ICA1: variants seen among roughly 807,000 people sequenced by gnomAD.
ICA1 encodes the protein islet cell autoantigen 1, also known as 69 kDa islet cell autoantigen.
Under a neutral mutation model 71.0 loss-of-function variants are expected in ICA1, and 40 were observed. That is an observed-to-expected ratio of 0.56 (90% CI 0.44 to 0.73). The LOEUF is 0.73. ICA1 is among the 30% of genes least tolerant of loss of function. ICA1 has a pLI of 0.00. For missense variants in ICA1, 578 were observed against 576.5 expected (o/e 1.00, Z -0.03); for synonymous variants, 207 against 209.5 (o/e 0.99, Z 0.10).
intron 8 of ICA1, among the ~76,000 whole-genome samples, chr7:8,145,331 G>A (rs2110332): frequency 0.87 from 131,936 of 152,048 alleles, 58,094 homozygotes; most frequent in East Asian, 1. Context: ...CTTTCTTTCA[G>A]TTAGGATGGT....
At chr7:8,120,833 C>T (rs550176491) in intron 13 of ICA1, among the ~76,000 whole-genome samples, 6 of 152,330 alleles carry the variant, frequency 3.9e-5, no homozygotes, top group African/African-American at 1.4e-4. Flanking sequence ...CAAAGGACAC[C>T]GCCCAGAGCT....
Position 8,173,658 on chromosome 7 carries a change from G to T in ICA1, c.580-15006C>A, listed in dbSNP as rs930419696. On this transcript the variant is annotated intron_variant, in intron 6 of 13. Coordinates refer to ENST00000402384, the MANE Select transcript of ICA1 (RefSeq NM_001136020.3). This position sits in a 1 kb window ranked among gnomAD's most constrained non-coding sequence, Gnocchi z 4.0. Reference sequence around the variant, plus strand: ...GAAGAAGGAATATAATCTGTTTCCAGTAGCAGGCCTGTCTTTCCAAGGTAC... The same window carrying T: ...GAAGAAGGAATATAATCTGTTTCCATTAGCAGGCCTGTCTTTCCAAGGTAC... 2.6e-5 allele frequency among the ~76,000 whole-genome samples: 4 copies of T among 152,190 alleles called. No homozygotes were observed. Among genetic ancestry groups the T allele is most frequent in the Non-Finnish European group, 2.9e-5 (2 of 68,026 alleles).
chr7:8,140,968 T>C (rs956946122), intron 10 of ICA1, among the ~76,000 whole-genome samples: 1 of 152,220 alleles, frequency 6.6e-6, no homozygotes, highest in Admixed American at 6.5e-5. Context: ...AAGAGATGCA[T>C]ATGTCCCCAG....
In ICA1 at chr7:8,130,495, G is replaced by C. The variant is rs148537273; in HGVS notation, c.1061-2353C>G. 1.3e-5 allele frequency among the ~76,000 whole-genome samples: 2 copies of C among 152,350 alleles called. No homozygotes were observed. The highest frequency in any genetic ancestry group is 4.8e-5 in the African/African-American group (2 of 41,586). ...CTCTATACTTCCTACTTTCAGGTAG[G>C]ACTGGAATGCCCAAACCCTTTCTTA... On this transcript the variant is annotated intron_variant, in intron 12 of 13. Coordinates refer to ENST00000402384, the MANE Select transcript of ICA1 (RefSeq NM_001136020.3). The surrounding 1 kb of genome is among the most constrained non-coding windows in gnomAD (Gnocchi z 4.2).
intron 1 of ICA1, among the ~76,000 whole-genome samples, chr7:8,242,515 C>A (rs1804339598): frequency 6.6e-6 from 1 of 152,038 alleles, no homozygotes; most frequent in Non-Finnish European, 1.5e-5. Context: ...ACTAGAGAAG[C>A]AAGAGCAAAC....
At chr7:8,200,760 G>C (rs1359174227) in intron 6 of ICA1, among the ~76,000 whole-genome samples, 1 of 152,218 alleles carries the variant, frequency 6.6e-6, no homozygotes, top group Non-Finnish European at 1.5e-5. Context: ...ATGAATATTA[G>C]TTGAGTTTTG....
intron 6 of ICA1, among the ~76,000 whole-genome samples, chr7:8,187,146 A>T (rs1199182985): frequency 6.6e-6 from 1 of 152,234 alleles, no homozygotes; most frequent in African/African-American, 2.4e-5. Flanking sequence ...TTGTTCACAC[A>T]TCATACAGTG....
chr7:8,256,083 C>G (rs1017295032), intron 1 of ICA1, among the ~76,000 whole-genome samples: 1 of 152,134 alleles, frequency 6.6e-6, no homozygotes, highest in Non-Finnish European at 1.5e-5. Flanking sequence ...CCTCTTTCAT[C>G]TTTTGCAACC....
chr7:8,254,045 T>C (rs1391620149), intron 1 of ICA1, among the ~76,000 whole-genome samples: 5 of 152,226 alleles, frequency 3.3e-5, no homozygotes, highest in African/African-American at 9.6e-5. Flanking sequence ...CAATTTGTTA[T>C]GACTCCACAG....
At chr7:8,239,658 A>G (rs920613015) in intron 1 of ICA1, among the ~76,000 whole-genome samples, 4 of 152,188 alleles carry the variant, frequency 2.6e-5, no homozygotes, top group African/African-American at 9.6e-5. Flanking sequence ...GGAAGGCATG[A>G]CAGACTGTAC....
chr7:8,128,958 G>A (rs1032681643), intron 12 of ICA1, among the ~76,000 whole-genome samples: 3 of 152,114 alleles, frequency 2.0e-5, no homozygotes, highest in South Asian at 2.1e-4. Flanking sequence ...TGTTAATAAC[G>A]GCCACCTCGG....
intron 6 of ICA1, among the ~76,000 whole-genome samples, chr7:8,161,691 C>T (rs150672000): frequency 6.6e-6 from 1 of 152,268 alleles, no homozygotes; most frequent in East Asian, 1.9e-4. Context: ...GTTGTCCCAG[C>T]AGATCAGTCT....
At chr7:8,139,853 G>A (rs1794630726) in intron 10 of ICA1, among the ~76,000 whole-genome samples, 1 of 152,174 alleles carries the variant, frequency 6.6e-6, no homozygotes, top group Non-Finnish European at 1.5e-5. Context: ...GTGTGTCTGT[G>A]TGTGTGTTTG....
intron 1 of ICA1, among the ~76,000 whole-genome samples, chr7:8,253,468 A>G (rs1171771441): frequency 6.6e-6 from 1 of 152,218 alleles, no homozygotes; most frequent in Non-Finnish European, 1.5e-5. Flanking sequence ...ATATGTATCC[A>G]CAAATGTAAA....
chr7:8,190,935 T>A (rs114139050), intron 6 of ICA1, among the ~76,000 whole-genome samples: 199 of 152,308 alleles, frequency 1.3e-3, no homozygotes, highest in African/African-American at 4.6e-3. Flanking sequence ...AGTTAAACAT[T>A]TAGCTTCTAA....
rs139140729 is a variant in ICA1, at chr7:8,146,366, T to C, written c.805-2394A>G. Among the ~76,000 whole-genome samples, 651 of 152,244 alleles carry C rather than the reference T, an allele frequency of 4.3e-3. 3 individuals carry two copies. Among genetic ancestry groups the C allele is most frequent in the African/African-American group, 0.015 (617 of 41,540 alleles). On this transcript the variant is annotated intron_variant, in intron 8 of 13. Transcript: ENST00000402384. ...TCAAAGGTAGGAATAGCTTGGTTTG[T>C]CTGAGGAACAAAAAGAATGCCACTG...
intron 12 of ICA1, among the ~76,000 whole-genome samples, chr7:8,131,185 G>A (rs963134153): frequency 1.3e-5 from 2 of 152,184 alleles, no homozygotes; most frequent in South Asian, 2.1e-4. Flanking sequence ...TCAACACATA[G>A]AGGGAAACAG....
At chr7:8,133,460 T>C (rs1289696126) in intron 12 of ICA1, among the ~76,000 whole-genome samples, 4 of 152,212 alleles carry the variant, frequency 2.6e-5, no homozygotes, top group Non-Finnish European at 5.9e-5. Context: ...GATAGGGTTT[T>C]ACTTTGTTGC....
At chr7:8,193,687 T>C (rs1786462003) in intron 6 of ICA1, among the ~76,000 whole-genome samples, 1 of 152,212 alleles carries the variant, frequency 6.6e-6, no homozygotes, top group Non-Finnish European at 1.5e-5. Context: ...GAAGTTAGAG[T>C]TTGGCCAGAT....
Sources: gnomAD v4.1 joint callset for allele counts (sites outside exome capture counted in the v4.1 genomes callset) on GRCh38, gnomAD v4.1.1 for gene constraint, Gnocchi (gnomAD v3.1) non-coding constraint, MANE v1.5 for transcripts, NCBI Gene and HGNC (gene_info 2026-07-23, HGNC 2026-07-21) for gene names.